Variants in CNTNAP4 observed in about 807,000 individuals in gnomAD.
The protein encoded by CNTNAP4 is contactin-associated protein-like 4.
A neutral mutation model predicts 148.4 loss-of-function variants in CNTNAP4; 98 were observed. That is an observed-to-expected ratio of 0.66 (90% CI 0.56 to 0.78). The LOEUF (loss-of-function observed/expected upper bound fraction) is 0.78, where lower values mean the gene tolerates loss of function less well. Among genes scored for constraint, CNTNAP4 ranks in the 30% least tolerant of loss-of-function variants. The pLI is 0.00. For missense variants in CNTNAP4, 1,935 were observed against 1,565.6 expected (o/e 1.24, Z -3.98); for synonymous variants, 730 against 565.1 (o/e 1.29, Z -4.14).
chr16:76,525,216 G>A (rs1325071919), intron 17 of CNTNAP4, among the ~76,000 whole-genome samples: 11 of 151,412 alleles, frequency 7.3e-5, no homozygotes. Context: ...TTTCCCTGTA[G>A]GCAGACTCAG....
At chr16:76,515,438 C>T (rs1597795555) in intron 15 of CNTNAP4, among the ~76,000 whole-genome samples, 1 of 152,294 alleles carries the variant, frequency 6.6e-6, no homozygotes, top group East Asian at 1.9e-4. Context: ...AGAGACCCCA[C>T]TCTCTGTGCT....
intron 1 of CNTNAP4, among the ~76,000 whole-genome samples, chr16:76,291,474 T>C (rs991331139): frequency 6.6e-6 from 1 of 152,166 alleles, no homozygotes; most frequent in African/African-American, 2.4e-5. Flanking sequence ...TATCCCAACA[T>C]TTCCATAGCC....
intron 4 of CNTNAP4, among the ~76,000 whole-genome samples, chr16:76,447,187 G>A (rs1248394505): frequency 6.6e-6 from 1 of 151,948 alleles, no homozygotes; most frequent in Non-Finnish European, 1.5e-5. Flanking sequence ...GTGCACCCTT[G>A]TGGTTCCACT....
At position 76,560,555 on chromosome 16, in the gene CNTNAP4, T is replaced by C. The variant is rs920442447; in HGVS notation, c.*1872T>C. ...CTGAATCTTTTGCAGATGTTCATGTTATTTAGTAGCGGTATTAACCTCATT... is the reference window on the plus strand; with the variant it reads ...CTGAATCTTTTGCAGATGTTCATGTCATTTAGTAGCGGTATTAACCTCATT... On this transcript the variant is annotated 3_prime_UTR_variant, in exon 24 of 24. Coordinates refer to ENST00000611870, the MANE Select transcript of CNTNAP4 (RefSeq NM_033401.5). 1.3e-5 allele frequency among the ~76,000 whole-genome samples: 2 copies of C among 152,180 alleles called. No homozygotes were observed. The highest frequency in any genetic ancestry group is 4.8e-5 in the African/African-American group (2 of 41,446).
rs558290425 is a variant in CNTNAP4 at position 76,346,489 on chromosome 16, G to C, written c.197-8829G>C. Among the ~76,000 whole-genome samples the C allele has an allele frequency of 1.2e-4, 18 of 151,436 alleles. No homozygotes were observed. In the East Asian group the frequency reaches 3.1e-3, roughly 26 times the overall value. On this transcript the variant is annotated intron_variant, in intron 2 of 23. Transcript: ENST00000611870. ...GCAAAAAATGGTTTTTAAATTTCTG[G>C]GATATTGCCAGTAGGCTCTCTCCGA...
chr16:76,508,028 T>C (rs1299241544), intron 15 of CNTNAP4, among the ~76,000 whole-genome samples: 1 of 98,098 alleles, frequency 1.0e-5, no homozygotes, highest in African/African-American at 2.6e-5. Context: ...ATTACAAAGA[T>C]ATCTTTCTCA....
At chr16:76,426,273 A>G (rs28485671) in intron 3 of CNTNAP4, among the ~76,000 whole-genome samples, 34,845 of 151,496 alleles carry the variant, frequency 0.23, 4,661 homozygotes, top group East Asian at 0.37. Context: ...TTAGAAAGAA[A>G]AACAGGCAGA....
At chr16:76,347,136 GTTGT>G (rs1964970605) in intron 2 of CNTNAP4, among the ~76,000 whole-genome samples, 1 of 98,158 alleles carries the variant, frequency 1.0e-5, no homozygotes, top group East Asian at 2.9e-4. Context: ...GAGGCAATTG[GTTGT>G]GTGTGTGTGT....
chr16:76,370,435 G>A (rs756642336), intron 3 of CNTNAP4, among the ~76,000 whole-genome samples: 48 of 152,276 alleles, frequency 3.2e-4, no homozygotes, highest in African/African-American at 1.0e-3. Flanking sequence ...GGGGGCTGGA[G>A]CCTTGTAAAA....
chr16:76,449,874 C>G lies in CNTNAP4; in HGVS notation c.1071+16C>G. 1 of 1,582,858 alleles carries G rather than the reference C, an allele frequency of 6.3e-7. No homozygotes were observed. The highest frequency in any genetic ancestry group is 8.6e-7 in the Non-Finnish European group (1 of 1,168,192). ...CATTGCTATGGTGAGAGTCTTTATG[C>G]GAAGACATTAGTAAAACTATATTTC... On this transcript the variant is annotated intron_variant, in intron 7 of 23. Transcript: ENST00000611870.
chr16:76,323,581 A>G (rs1350052716), intron 2 of CNTNAP4, among the ~76,000 whole-genome samples: 3 of 152,150 alleles, frequency 2.0e-5, no homozygotes, highest in East Asian at 3.9e-4. Flanking sequence ...AATCACTTCT[A>G]TTTTTGTGTC....
rs2083482761 is a variant in CNTNAP4 at position 76,522,199 on chromosome 16, A to G, written c.2697A>G (p.Thr899=). 6.2e-7 allele frequency: 1 copy of G among 1,613,872 alleles called. No individual in the cohort carries two copies. The highest frequency in any genetic ancestry group is 1.7e-5 in the Admixed American group (1 of 59,974). The change falls in exon 17 of 24, where the codon ACA becomes ACG. Residue 899 remains threonine (T), a synonymous_variant. Transcript: ENST00000611870. ...AAGTGGATCAGCTGACACCAAAGAC[A>G]CAGCCCGCCCCCGCTGATGGGCATG... ...SLQVDQLTPK[T]QPAPADGHVL...
intron 1 of CNTNAP4, 39 bp from the exon 2 acceptor site, chr16:76,316,374 C>T: frequency 2.2e-6 from 3 of 1,355,914 alleles, no homozygotes; most frequent in Non-Finnish European, 2.1e-6. Flanking sequence ...AAAGCCTCAG[C>T]ACTAACTAAC....
chr16:76,493,571 A>C (rs1042848872), intron 13 of CNTNAP4, among the ~76,000 whole-genome samples: 3 of 152,166 alleles, frequency 2.0e-5, no homozygotes, highest in Non-Finnish European at 4.4e-5. Flanking sequence ...AAGACATGAA[A>C]TTTAGATGTG....
At chr16:76,327,296 A>G (rs894460471) in intron 2 of CNTNAP4, among the ~76,000 whole-genome samples, 4 of 152,144 alleles carry the variant, frequency 2.6e-5, no homozygotes, top group Non-Finnish European at 4.4e-5. Context: ...ACAAGATAAC[A>G]TGTGGTATTA....
chr16:76,406,262 C>G (rs1327323726), intron 3 of CNTNAP4, among the ~76,000 whole-genome samples: 3 of 151,970 alleles, frequency 2.0e-5, no homozygotes, highest in South Asian at 4.2e-4. Context: ...ATTGTAATAT[C>G]ACGCCACAAA....
chr16:76,318,645 A>G (rs918622120), intron 2 of CNTNAP4, among the ~76,000 whole-genome samples: 4 of 151,330 alleles, frequency 2.6e-5, no homozygotes, highest in Non-Finnish European at 4.4e-5. Context: ...ATTAAAGGCT[A>G]TATTTTATTT....
intron 3 of CNTNAP4, among the ~76,000 whole-genome samples, chr16:76,414,393 A>AT (rs911675238): frequency 6.6e-6 from 1 of 151,270 alleles, no homozygotes; most frequent in African/African-American, 2.4e-5. Context: ...ATGATTTATT[A>AT]TTTTTTCTAT....
At chr16:76,523,228 C>A (rs1290484350) in intron 17 of CNTNAP4, among the ~76,000 whole-genome samples, 1 of 148,432 alleles carries the variant, frequency 6.7e-6, no homozygotes, top group African/African-American at 2.6e-5. Flanking sequence ...AAACATTGAA[C>A]ACTCCCCCGG....
Sources: allele counts gnomAD v4.1 joint callset (sites outside exome capture counted in the v4.1 genomes callset), GRCh38; gene constraint gnomAD v4.1.1; transcripts MANE v1.5; gene names NCBI Gene and HGNC (gene_info 2026-07-23, HGNC 2026-07-21).